The following RFPL1 variants were observed in gnomAD, a reference collection of about 807,000 sequenced individuals.
RFPL1 encodes the protein ret finger protein like 1, also known as ret finger protein-like 1.
A neutral mutation model predicts 9.6 loss-of-function variants in RFPL1; 6 were observed. That is an observed-to-expected ratio of 0.62 (90% CI 0.34 to 1.23). The LOEUF is 1.23. Among genes scored for constraint, RFPL1 ranks in the 50% most tolerant of loss-of-function variants. The probability of loss-of-function intolerance (pLI) is 0.03; values close to 1 mark genes in which losing one functional copy is unlikely to be tolerated. For missense variants in RFPL1, 352 were observed against 398.4 expected, an observed-to-expected ratio of 0.88 and a Z score of 0.99; for synonymous variants, 145 against 149.4, an observed-to-expected ratio of 0.97 and a Z score of 0.22.
chr22:29,429,574 C>T, the RFPL1 span, among the ~76,000 whole-genome samples: 1 of 152,106 alleles, frequency 6.6e-6, no homozygotes, highest in Non-Finnish European at 1.5e-5. Context: ...AGGAAATGCA[C>T]AGATTCCTGG....
chr22:29,421,485 G>A, the RFPL1 span, among the ~76,000 whole-genome samples: 1 of 149,614 alleles, frequency 6.7e-6, no homozygotes, highest in Non-Finnish European at 1.5e-5. Context: ...TCAGCACTAC[G>A]TTCACCCTGT....
chr22:29,422,698 G>A, the RFPL1 span, among the ~76,000 whole-genome samples: 4 of 151,920 alleles, frequency 2.6e-5, no homozygotes, highest in Admixed American at 6.6e-5. Flanking sequence ...AGCCAAGATC[G>A]CGCCACTGCA....
At chr22:29,432,035 T>A in the RFPL1 span, among the ~76,000 whole-genome samples, 2 of 152,146 alleles carry the variant, frequency 1.3e-5, no homozygotes, top group South Asian at 4.1e-4. Flanking sequence ...TTCTCATACC[T>A]CTTCAAAATC....
At chr22:29,421,093 G>A in the RFPL1 span, among the ~76,000 whole-genome samples, 1 of 152,172 alleles carries the variant, frequency 6.6e-6, no homozygotes. Flanking sequence ...CCAGCAGGTG[G>A]TAGGACTGAA....
chr22:29,433,262 G>T, the RFPL1 span: 1 of 150,114 alleles, frequency 6.7e-6, no homozygotes, highest in Non-Finnish European at 1.5e-5. Context: ...CAGCACTCCA[G>T]CCTGGGCAGC....
chr22:29,420,650 T>G, the RFPL1 span, among the ~76,000 whole-genome samples: 61 of 138,642 alleles, frequency 4.4e-4, no homozygotes, highest in African/African-American at 1.6e-3. Context: ...TTTTTTTTTT[T>G]TTTTTTTTGA....
the RFPL1 span, among the ~76,000 whole-genome samples, chr22:29,392,857 T>C: frequency 6.6e-6 from 1 of 152,138 alleles, no homozygotes; most frequent in African/African-American, 2.4e-5. Context: ...TTAAATAGCA[T>C]GTGAGTGACA....
At chr22:29,406,266 CT>C in the RFPL1 span, among the ~76,000 whole-genome samples, 1 of 150,438 alleles carries the variant, frequency 6.6e-6, no homozygotes, top group Admixed American at 6.6e-5. Flanking sequence ...TCTCTGTATT[CT>C]ATACACTACC....
At chr22:29,422,009 G>C in the RFPL1 span, among the ~76,000 whole-genome samples, 1 of 152,188 alleles carries the variant, frequency 6.6e-6, no homozygotes, top group Non-Finnish European at 1.5e-5. Context: ...TTTTCATCTG[G>C]TCGGCAGGCA....
chr22:29,410,410 T>C, the RFPL1 span, among the ~76,000 whole-genome samples: 18 of 89,910 alleles, frequency 2.0e-4, no homozygotes, highest in African/African-American at 8.4e-4. Context: ...TATATATCTA[T>C]ATATATAGAT....
exon 2 of RFPL1, chr22:29,441,627 A>C: frequency 6.2e-7 from 1 of 1,613,914 alleles, no homozygotes; most frequent in Non-Finnish European, 8.5e-7. Context: ...GGTGCATCAC[A>C]CAGAATCGGC....
At chr22:29,429,692 G>A in the RFPL1 span, among the ~76,000 whole-genome samples, 3 of 152,110 alleles carry the variant, frequency 2.0e-5, no homozygotes, top group African/African-American at 7.2e-5. Flanking sequence ...AGTCTTACTG[G>A]CCTTACTTGT....
the RFPL1 span, among the ~76,000 whole-genome samples, chr22:29,416,874 C>T: frequency 6.6e-6 from 1 of 152,204 alleles, no homozygotes; most frequent in East Asian, 1.9e-4. Flanking sequence ...ATGCTCATGA[C>T]CACTGGGTGG....
chr22:29,416,800 G>C, the RFPL1 span, among the ~76,000 whole-genome samples: 2 of 152,188 alleles, frequency 1.3e-5, no homozygotes, highest in Non-Finnish European at 2.9e-5. Flanking sequence ...CCATTTCAGA[G>C]AATACTGAGG....
exon 2 of RFPL1, chr22:29,441,618 G>T (rs143498009): frequency 6.2e-7 from 1 of 1,613,910 alleles, no homozygotes. Flanking sequence ...TCCGAAGTGG[G>T]TGCATCACAC....
chr22:29,409,067 CT>C, the RFPL1 span, among the ~76,000 whole-genome samples: 704 of 149,238 alleles, frequency 4.7e-3, 6 homozygotes, highest in African/African-American at 9.5e-3. Context: ...TGTACATATA[CT>C]TTTTTTTTTA....
At chr22:29,429,517 C>T in the RFPL1 span, among the ~76,000 whole-genome samples, 2 of 152,164 alleles carry the variant, frequency 1.3e-5, no homozygotes, top group Non-Finnish European at 2.9e-5. Context: ...TCATTAGAAA[C>T]TATTATGAGT....
At chr22:29,397,286 G>A in the RFPL1 span, among the ~76,000 whole-genome samples, 1 of 152,112 alleles carries the variant, frequency 6.6e-6, no homozygotes, top group Non-Finnish European at 1.5e-5. Context: ...ATATGCCCTG[G>A]TGTTTCCGTT....
chr22:29,415,765 G>C, the RFPL1 span, among the ~76,000 whole-genome samples: 1,578 of 152,368 alleles, frequency 0.01, 27 homozygotes, highest in African/African-American at 0.036. Context: ...AGGGGTCCAG[G>C]TGACAGGGTC....
Sources: allele counts gnomAD v4.1 joint callset (sites outside exome capture counted in the v4.1 genomes callset), GRCh38; gene constraint gnomAD v4.1.1; transcripts MANE v1.5; gene names NCBI Gene and HGNC (gene_info 2026-07-23, HGNC 2026-07-21).